Variants in STON2 observed in about 807,000 individuals in gnomAD.
STON2 encodes stonin 2, also known as stonin-2.
A neutral mutation model predicts 65.7 loss-of-function variants in STON2; 29 were observed. The observed-to-expected ratio is 0.44, with a 90% CI of 0.33 to 0.60. STON2 has a LOEUF of 0.60. Among genes scored for constraint, STON2 ranks in the 20% least tolerant of loss-of-function variants. The pLI is 0.03. For missense variants in STON2, 1,054 were observed against 1,118.1 expected (o/e 0.94, Z 0.82); for synonymous variants, 404 against 414.2 (o/e 0.98, Z 0.30).
chr14:81,385,039 G>C (rs1899726586), intron 3 of STON2, among the ~76,000 whole-genome samples: 1 of 152,152 alleles, frequency 6.6e-6, no homozygotes, highest in African/African-American at 2.4e-5. Flanking sequence ...CAACTGTTAG[G>C]CAACTTCAAC....
intron 5 of STON2, among the ~76,000 whole-genome samples, chr14:81,308,824 A>ATATATATATATG (rs1479394128): frequency 3.8e-4 from 4 of 10,446 alleles, no homozygotes; most frequent in Admixed American, 1.4e-3. Context: ...ATATATATAT[A>ATATATATATATG]TGTGTGTGTG....
chr14:81,341,741 A>G (rs577219197), intron 4 of STON2, among the ~76,000 whole-genome samples: 2 of 152,314 alleles, frequency 1.3e-5, no homozygotes, highest in Admixed American at 6.5e-5. Flanking sequence ...TGCCAATACT[A>G]TATTTTAAAC....
chr14:81,283,110 C>G (rs879579850), intron 5 of STON2, among the ~76,000 whole-genome samples: 36 of 152,126 alleles, frequency 2.4e-4, no homozygotes, highest in Non-Finnish European at 1.5e-5. Context: ...CAGTCTACAC[C>G]ACAGGGAAAA....
chr14:81,347,635 A>AAAAAAC (rs1897862081), intron 4 of STON2, among the ~76,000 whole-genome samples: 1 of 150,380 alleles, frequency 6.6e-6, no homozygotes. Context: ...AAAAAAAAAA[A>AAAAAAC]AACCCTACAG....
intron 4 of STON2, among the ~76,000 whole-genome samples, chr14:81,334,994 C>T (rs1417043334): frequency 3.4e-5 from 5 of 146,146 alleles, no homozygotes; most frequent in South Asian, 4.7e-4. Context: ...CACACCACCA[C>T]GCCTGGCTAA....
chr14:81,299,948 A>G (rs908588434), intron 5 of STON2, among the ~76,000 whole-genome samples: 1 of 151,978 alleles, frequency 6.6e-6, no homozygotes, highest in Non-Finnish European at 1.5e-5. Context: ...CCCAGGCTTA[A>G]AAAAATTTTT....
At chr14:81,430,181 G>A (rs902639246) in intron 1 of STON2, among the ~76,000 whole-genome samples, 1 of 152,140 alleles carries the variant, frequency 6.6e-6, no homozygotes, top group African/African-American at 2.4e-5. Flanking sequence ...CACAATCTGG[G>A]AAAGACTCGC....
At chr14:81,402,712 C>G (rs1422879202), upstream of STON2, among the ~76,000 whole-genome samples, 1 of 152,136 alleles carries the variant, frequency 6.6e-6, no homozygotes, top group Admixed American at 6.6e-5. Flanking sequence ...TTACCCTCTC[C>G]AATCCCACTG....
chr14:81,307,705 C>G (rs563007254), intron 5 of STON2, among the ~76,000 whole-genome samples: 10 of 152,172 alleles, frequency 6.6e-5, no homozygotes, highest in Non-Finnish European at 1.3e-4. Context: ...GTGAAGGAGA[C>G]GAGGATGATA....
chr14:81,291,866 C>CGT (rs1895570805), intron 5 of STON2, among the ~76,000 whole-genome samples: 1 of 124,986 alleles, frequency 8.0e-6, no homozygotes, highest in African/African-American at 3.8e-5. Flanking sequence ...GGTACACACA[C>CGT]ACACACACAC....
chr14:81,305,643 C>G (rs1271893837), intron 5 of STON2, among the ~76,000 whole-genome samples: 3 of 151,958 alleles, frequency 2.0e-5, no homozygotes, highest in African/African-American at 7.3e-5. Flanking sequence ...ATCTCCTCCT[C>G]TTATGCTGCA....
chr14:81,270,333 C>G, intron 7 of STON2: 1 of 1,210,798 alleles, frequency 8.3e-7, no homozygotes, highest in Admixed American at 4.0e-5. Context: ...AATCAGCCCA[C>G]CTCCACCTCC....
At chr14:81,291,219 G>C (rs1895541312) in intron 5 of STON2, among the ~76,000 whole-genome samples, 1 of 152,064 alleles carries the variant, frequency 6.6e-6, no homozygotes, top group Non-Finnish European at 1.5e-5. Context: ...AAAGACTTGA[G>C]AACTACAAGG....
At chr14:81,341,845 G>GA (rs1566917452) in intron 4 of STON2, among the ~76,000 whole-genome samples, 2 of 152,128 alleles carry the variant, frequency 1.3e-5, no homozygotes, top group African/African-American at 4.8e-5. Flanking sequence ...GATAATCTCA[G>GA]AATCTTCATG....
intron 4 of STON2, among the ~76,000 whole-genome samples, chr14:81,347,615 T>TTA (rs1897857698): frequency 1.4e-5 from 1 of 72,596 alleles, no homozygotes; most frequent in Admixed American, 1.9e-4. Context: ...AAGAAGACAG[T>TTA]AAAAAAAAAA....
intron 2 of STON2, among the ~76,000 whole-genome samples, chr14:81,425,446 C>T (rs1901918830): frequency 6.6e-6 from 1 of 152,080 alleles, no homozygotes; most frequent in Non-Finnish European, 1.5e-5. Flanking sequence ...GTGGCTCACA[C>T]CTGTAATCCC....
intron 3 of STON2, among the ~76,000 whole-genome samples, chr14:81,381,782 T>C (rs1459633172): frequency 2.0e-5 from 3 of 152,194 alleles, no homozygotes; most frequent in African/African-American, 7.2e-5. Context: ...TTAAGCTGAA[T>C]ATGAACACAT....
At chr14:81,272,368 A>C (rs1894634917) in intron 6 of STON2, among the ~76,000 whole-genome samples, 1 of 152,040 alleles carries the variant, frequency 6.6e-6, no homozygotes, top group South Asian at 2.1e-4. Flanking sequence ...AGCTGTAAGA[A>C]CCCCCATATA....
chr14:81,280,525 G>A (rs1018770995), intron 5 of STON2, among the ~76,000 whole-genome samples: 4 of 152,090 alleles, frequency 2.6e-5, no homozygotes, highest in African/African-American at 9.7e-5. Context: ...AAGGGAAATG[G>A]ATACTCAAAT....
Sources: allele counts gnomAD v4.1 joint callset (sites outside exome capture counted in the v4.1 genomes callset), GRCh38; gene constraint gnomAD v4.1.1; transcripts MANE v1.5; gene names NCBI Gene and HGNC (gene_info 2026-07-23, HGNC 2026-07-21).